The following CTNND2 variants were observed in gnomAD, a reference collection of about 807,000 sequenced individuals.
CTNND2 encodes catenin delta-2.
In CTNND2, 22 loss-of-function variants were observed where a neutral mutation model predicts 144.4. The observed-to-expected ratio is 0.15, with a 90% CI of 0.11 to 0.22. CTNND2 has a LOEUF of 0.22. CTNND2 is among the 10% of genes least tolerant of loss of function. The pLI is 1.00. For missense variants in CTNND2, 1,353 were observed against 1,618.8 expected, an observed-to-expected ratio of 0.84 and a Z score of 2.82; for synonymous variants, 751 against 695.6, an observed-to-expected ratio of 1.08 and a Z score of -1.25.
intron 3 of CTNND2, among the ~76,000 whole-genome samples, chr5:11,559,304 G>A (rs1776497497): frequency 6.6e-6 from 1 of 151,990 alleles, no homozygotes. Context: ...TTGACTTAGG[G>A]TCATGGCACC....
At chr5:11,027,251 T>C (rs1334153973) in intron 16 of CTNND2, 2 of 152,340 alleles carry the variant, frequency 1.3e-5, no homozygotes, top group East Asian at 3.9e-4. Flanking sequence ...CAGAGAAAGA[T>C]TAGCATGGCC....
At position 10,992,539 on chromosome 5, in the gene CTNND2, G is replaced by A; in HGVS notation, c.3211+12C>T. ...AATAAAGCCTGGCTGGCTAGCCACGGCAGCCTCTTACCTGAGCGGTTGTTG... is the reference window on the plus strand; with the variant it reads ...AATAAAGCCTGGCTGGCTAGCCACGACAGCCTCTTACCTGAGCGGTTGTTG... On this transcript the variant is annotated intron_variant, in intron 19 of 21. Coordinates refer to ENST00000304623, the MANE Select transcript of CTNND2 (RefSeq NM_001332.4). 1 of 1,613,690 alleles carries A rather than the reference G, an allele frequency of 6.2e-7. No homozygotes were observed. Among genetic ancestry groups the A allele is most frequent in the Non-Finnish European group, 8.5e-7 (1 of 1,179,994 alleles).
intron 12 of CTNND2, among the ~76,000 whole-genome samples, chr5:11,142,610 T>C (rs1386810113): frequency 7.0e-6 from 1 of 142,848 alleles, no homozygotes; most frequent in Non-Finnish European, 1.5e-5. Flanking sequence ...TTTAAACTCT[T>C]TTTTTTTTTT....
intron 2 of CTNND2, among the ~76,000 whole-genome samples, chr5:11,696,008 T>C (rs1343025119): frequency 2.0e-5 from 3 of 152,242 alleles, no homozygotes; most frequent in Non-Finnish European, 1.5e-5. Context: ...TTGTATACTT[T>C]TTACAAATAT....
At chr5:11,643,039 T>C (rs1429431293) in intron 2 of CTNND2, among the ~76,000 whole-genome samples, 1 of 152,112 alleles carries the variant, frequency 6.6e-6, no homozygotes, top group Non-Finnish European at 1.5e-5. Flanking sequence ...AGATTCAAAA[T>C]AACAAAACTC....
intron 1 of CTNND2, among the ~76,000 whole-genome samples, chr5:11,752,712 A>G (rs1788696912): frequency 1.3e-5 from 2 of 151,510 alleles, no homozygotes; most frequent in Admixed American, 1.3e-4. Context: ...AGGTATTTCT[A>G]TTTCTGTGCA....
At chr5:11,136,999 T>C (rs945074069) in intron 12 of CTNND2, among the ~76,000 whole-genome samples, 5 of 152,222 alleles carry the variant, frequency 3.3e-5, no homozygotes, top group African/African-American at 2.4e-5. Context: ...GCTTACTGCC[T>C]CCTTCCTGCA....
intron 9 of CTNND2, among the ~76,000 whole-genome samples, chr5:11,272,442 C>G (rs1320571235): frequency 6.6e-6 from 1 of 152,064 alleles, no homozygotes; most frequent in Non-Finnish European, 1.5e-5. Flanking sequence ...TATTTTGAAT[C>G]AAGACCCACA....
intron 2 of CTNND2, among the ~76,000 whole-genome samples, chr5:11,652,633 A>C (rs561303054): frequency 1.5e-4 from 23 of 152,284 alleles, no homozygotes; most frequent in African/African-American, 4.3e-4. Context: ...AATTTATGTT[A>C]CTGGGTTTTT....
At chr5:11,471,932 T>C (rs1767269692) in intron 3 of CTNND2, among the ~76,000 whole-genome samples, 1 of 152,256 alleles carries the variant, frequency 6.6e-6, no homozygotes, top group African/African-American at 2.4e-5. Flanking sequence ...TGGCTTCATT[T>C]TGTTTTTAAC....
intron 9 of CTNND2, among the ~76,000 whole-genome samples, chr5:11,248,017 C>G (rs1023975065): frequency 7.2e-5 from 11 of 152,080 alleles, no homozygotes; most frequent in African/African-American, 2.7e-4. Context: ...GGAAAAAATA[C>G]AAATTAGTGT....
intron 1 of CTNND2, among the ~76,000 whole-genome samples, chr5:11,851,028 A>C (rs6554651): frequency 0.69 from 105,183 of 152,056 alleles, 36,499 homozygotes; most frequent in South Asian, 0.78. Flanking sequence ...AGAACTTAAG[A>C]GAAAAGACGG....
chr5:11,158,788 T>C (rs1194928166), intron 12 of CTNND2, among the ~76,000 whole-genome samples: 1 of 152,224 alleles, frequency 6.6e-6, no homozygotes, highest in Non-Finnish European at 1.5e-5. Context: ...TATAGATTAT[T>C]TGGCTAGGTG....
intron 3 of CTNND2, among the ~76,000 whole-genome samples, chr5:11,446,787 T>C (rs1445579190): frequency 6.6e-6 from 1 of 152,072 alleles, no homozygotes; most frequent in East Asian, 1.9e-4. Flanking sequence ...AAGGAGCAAG[T>C]GGCAGGCTAG....
intron 1 of CTNND2, among the ~76,000 whole-genome samples, chr5:11,808,494 G>C (rs1245302044): frequency 1.3e-5 from 2 of 152,188 alleles, no homozygotes; most frequent in African/African-American, 4.8e-5. Flanking sequence ...GTGCTTTTCT[G>C]CAGCTCTTGG....
chr5:11,576,054 T>G (rs918100332), intron 2 of CTNND2, among the ~76,000 whole-genome samples: 2 of 152,166 alleles, frequency 1.3e-5, no homozygotes, highest in Non-Finnish European at 2.9e-5. Flanking sequence ...AGTTGCCTGA[T>G]CCACAGATTT....
chr5:11,182,524 T>C (rs1016672705), intron 11 of CTNND2, among the ~76,000 whole-genome samples: 3 of 152,026 alleles, frequency 2.0e-5, no homozygotes, highest in Admixed American at 2.0e-4. Context: ...CTAGGTAGCT[T>C]TTCCACTGCC....
chr5:11,278,961 A>C (rs1467952126), intron 9 of CTNND2, among the ~76,000 whole-genome samples: 1 of 151,128 alleles, frequency 6.6e-6, no homozygotes, highest in Non-Finnish European at 1.5e-5. Flanking sequence ...ACCTTCACTA[A>C]CTCCCCCACG....
chr5:11,296,490 C>T (rs1451862114), intron 9 of CTNND2, among the ~76,000 whole-genome samples: 1 of 152,158 alleles, frequency 6.6e-6, no homozygotes, highest in Non-Finnish European at 1.5e-5. Flanking sequence ...TGGGTATATA[C>T]CCAAAAGATT....
Sources: allele counts gnomAD v4.1 joint callset (sites outside exome capture counted in the v4.1 genomes callset), GRCh38; gene constraint gnomAD v4.1.1; transcripts MANE v1.5; gene names NCBI Gene and HGNC (gene_info 2026-07-23, HGNC 2026-07-21).